MGMT: variants seen among roughly 807,000 people sequenced by gnomAD.
MGMT encodes O-6-methylguanine-DNA methyltransferase, also known as methylated-DNA--protein-cysteine methyltransferase.
Under a neutral mutation model 15.9 loss-of-function variants are expected in MGMT, and 14 were observed. The ratio of observed to expected loss-of-function variants is 0.88; its 90% confidence interval spans 0.58 to 1.37. MGMT has a LOEUF of 1.37. MGMT is among the 40% of genes most tolerant of loss of function. The probability of loss-of-function intolerance (pLI) is 0.00; values close to 1 mark genes in which losing one functional copy is unlikely to be tolerated. For missense variants in MGMT, 282 were observed against 268.1 expected, an observed-to-expected ratio of 1.05 and a Z score of -0.36; for synonymous variants, 130 against 118.2, an observed-to-expected ratio of 1.10 and a Z score of -0.65.
chr10:129,611,740 C>CT (rs1266499241), intron 2 of MGMT, among the ~76,000 whole-genome samples: 1 of 152,138 alleles, frequency 6.6e-6, no homozygotes, highest in Non-Finnish European at 1.5e-5. Flanking sequence ...CGGGTGCGCT[C>CT]TGGGGGGGCC....
At chr10:129,516,157 A>AT (rs1459316495) in intron 1 of MGMT, among the ~76,000 whole-genome samples, 1 of 152,118 alleles carries the variant, frequency 6.6e-6, no homozygotes, top group Admixed American at 6.5e-5. Flanking sequence ...CCCTCTTGCT[A>AT]TTTTTATTGC....
intron 2 of MGMT, among the ~76,000 whole-genome samples, chr10:129,668,307 T>G (rs2133110586): frequency 6.6e-6 from 1 of 152,252 alleles, no homozygotes; most frequent in South Asian, 2.1e-4. Flanking sequence ...AGAATAACCT[T>G]TAGAAGTATA....
intron 3 of MGMT, among the ~76,000 whole-genome samples, chr10:129,709,863 C>A (rs569967895): frequency 2.0e-5 from 3 of 152,186 alleles, no homozygotes; most frequent in African/African-American, 7.2e-5. Context: ...GAGGAGGAGG[C>A]CTCCGCAGCT....
chr10:129,688,484 G>A (rs1336507180), intron 2 of MGMT, among the ~76,000 whole-genome samples: 2 of 152,174 alleles, frequency 1.3e-5, no homozygotes, highest in Non-Finnish European at 2.9e-5. Flanking sequence ...CTGCGTAAAT[G>A]TCTTCTTTTG....
At chr10:129,541,737 A>G (rs763699161) in intron 2 of MGMT, among the ~76,000 whole-genome samples, 15 of 152,228 alleles carry the variant, frequency 9.9e-5, no homozygotes, top group Non-Finnish European at 1.5e-4. Context: ...ATAGAGTCCA[A>G]TTGAACTAAA....
intron 2 of MGMT, among the ~76,000 whole-genome samples, chr10:129,553,699 C>G (rs535780133): frequency 3.9e-5 from 6 of 152,114 alleles, no homozygotes. Flanking sequence ...CCTGGAGGCA[C>G]AAGGAGAGAG....
intron 4 of MGMT, among the ~76,000 whole-genome samples, chr10:129,765,646 G>A (rs1848925194): frequency 6.6e-6 from 1 of 152,178 alleles, no homozygotes; most frequent in Non-Finnish European, 1.5e-5. Flanking sequence ...GTCCCCTCTG[G>A]CTAAGCTCTG....
chr10:129,700,946 C>T (rs1488522659), intron 2 of MGMT: 2 of 152,246 alleles, frequency 1.3e-5, no homozygotes, highest in Non-Finnish European at 2.9e-5. Flanking sequence ...TTCCTTCCTA[C>T]ATGAGCCCCG....
intron 2 of MGMT, among the ~76,000 whole-genome samples, chr10:129,549,126 G>A (rs1846128139): frequency 6.6e-6 from 1 of 152,226 alleles, no homozygotes; most frequent in Non-Finnish European, 1.5e-5. Context: ...CTTGGTGCCT[G>A]TTGGAGACAC....
intron 2 of MGMT, among the ~76,000 whole-genome samples, chr10:129,600,755 G>A (rs1444864241): frequency 2.0e-5 from 3 of 152,194 alleles, no homozygotes; most frequent in Non-Finnish European, 4.4e-5. Context: ...TGCCGAGGTG[G>A]CCAACTCAGA....
At chr10:129,572,257 G>A (rs1475180297) in intron 2 of MGMT, among the ~76,000 whole-genome samples, 2 of 152,112 alleles carry the variant, frequency 1.3e-5, no homozygotes, top group African/African-American at 2.4e-5. Flanking sequence ...ATACAATCTT[G>A]GTGAAACTTG....
chr10:129,512,652 CTGAGT>C (rs1845696703), intron 1 of MGMT, among the ~76,000 whole-genome samples: 1 of 152,182 alleles, frequency 6.6e-6, no homozygotes, highest in Non-Finnish European at 1.5e-5. Context: ...TTAAGTGTTT[CTGAGT>C]TGAGTTGTGG....
chr10:129,596,442 A>C lies in MGMT; in HGVS notation c.125+60065A>C, dbSNP rs137903449. Among the ~76,000 whole-genome samples, 353 of 152,342 alleles carry C rather than the reference A, an allele frequency of 2.3e-3. 1 individual carries two copies. The highest frequency in any genetic ancestry group is 8.1e-3 in the African/African-American group (336 of 41,590). On this transcript the variant is annotated intron_variant, in intron 2 of 4. Coordinates refer to ENST00000651593, the MANE Select transcript of MGMT (RefSeq NM_002412.5). ...TGTTCTGTATGGAATTTATCTGTTCAGACCCAACATGCACACCCTTCCTTC... is the reference window on the plus strand; with the variant it reads ...TGTTCTGTATGGAATTTATCTGTTCCGACCCAACATGCACACCCTTCCTTC...
At chr10:129,596,999 C>A (rs938856945) in intron 2 of MGMT, among the ~76,000 whole-genome samples, 15 of 152,152 alleles carry the variant, frequency 9.9e-5, no homozygotes, top group African/African-American at 3.6e-4. Context: ...AAGGTCTCTG[C>A]TGGAGATCTA....
intron 1 of MGMT, among the ~76,000 whole-genome samples, chr10:129,527,139 C>T (rs1053691951): frequency 1.3e-5 from 2 of 152,192 alleles, no homozygotes; most frequent in Non-Finnish European, 2.9e-5. Flanking sequence ...ATCGCCTGGG[C>T]GTCCTAAATG....
At chr10:129,494,472 C>G (rs1256370994) in intron 1 of MGMT, among the ~76,000 whole-genome samples, 1 of 152,158 alleles carries the variant, frequency 6.6e-6, no homozygotes, top group Non-Finnish European at 1.5e-5. Context: ...TTCAAGTCCT[C>G]ATTACCTTCT....
At chr10:129,676,804 G>T (rs1847791301) in intron 2 of MGMT, among the ~76,000 whole-genome samples, 1 of 152,064 alleles carries the variant, frequency 6.6e-6, no homozygotes, top group South Asian at 2.1e-4. Context: ...GAAGTAAAAT[G>T]ACCTCATATA....
intron 2 of MGMT, among the ~76,000 whole-genome samples, chr10:129,690,533 G>A (rs1303693716): frequency 1.3e-5 from 2 of 152,200 alleles, no homozygotes; most frequent in Non-Finnish European, 2.9e-5. Flanking sequence ...AGAGCATTTG[G>A]AGGTGCCATA....
chr10:129,583,208 ATAAGT>A (rs1846577843), intron 2 of MGMT, among the ~76,000 whole-genome samples: 1 of 152,236 alleles, frequency 6.6e-6, no homozygotes, highest in Admixed American at 6.5e-5. Context: ...ACTTGTAGTA[ATAAGT>A]TAAATTAACA....
Sources: allele counts gnomAD v4.1 joint callset (sites outside exome capture counted in the v4.1 genomes callset), GRCh38; gene constraint gnomAD v4.1.1; transcripts MANE v1.5; gene names NCBI Gene and HGNC (gene_info 2026-07-23, HGNC 2026-07-21).